LRP1B: variants seen among roughly 807,000 people sequenced by gnomAD.
LRP1B encodes LDL receptor related protein 1B, also known as low-density lipoprotein receptor-related protein 1B.
A neutral mutation model predicts 556.6 loss-of-function variants in LRP1B; 217 were observed. That is an observed-to-expected ratio of 0.39 (90% CI 0.35 to 0.44). The LOEUF (loss-of-function observed/expected upper bound fraction) is 0.44, where lower values mean the gene tolerates loss of function less well. Among genes scored for constraint, LRP1B ranks in the 20% least tolerant of loss-of-function variants. The pLI is 1.00. For synonymous variants in LRP1B, 2,047 were observed against 1,865.8 expected, an observed-to-expected ratio of 1.10 and a Z score of -2.50; for missense variants, 5,053 against 5,620.8, an observed-to-expected ratio of 0.90 and a Z score of 3.23.
At chr2:140,827,481 A>C (rs1691549490) in intron 31 of LRP1B, among the ~76,000 whole-genome samples, 1 of 152,040 alleles carries the variant, frequency 6.6e-6, no homozygotes, top group Non-Finnish European at 1.5e-5. Context: ...TCCTGAACTA[A>C]AAAATGTACT....
intron 2 of LRP1B, among the ~76,000 whole-genome samples, chr2:141,694,755 G>A (rs1691674218): frequency 6.6e-6 from 1 of 151,956 alleles, no homozygotes; most frequent in African/African-American, 2.4e-5. Context: ...AAATTAACAG[G>A]AAAGGAGCTA....
At chr2:141,092,754 GGA>G (rs1166347964) in intron 7 of LRP1B, among the ~76,000 whole-genome samples, 2 of 152,146 alleles carry the variant, frequency 1.3e-5, no homozygotes, top group Admixed American at 6.5e-5. Flanking sequence ...GTTTCAAGGA[GGA>G]GAGAGAGTGA....
At chr2:140,878,989 CA>C (rs3063609) in intron 25 of LRP1B, among the ~76,000 whole-genome samples, 4,561 of 135,574 alleles carry the variant, frequency 0.034, 183 homozygotes, top group African/African-American at 0.11. Context: ...ACTCTGTTTC[CA>C]AAAAAAAAAA....
chr2:140,444,568 T>C lies in LRP1B; in HGVS notation c.10169A>G (p.Asn3390Ser). 6.2e-7 allele frequency: 1 copy of C among 1,613,550 alleles called. No homozygotes were observed. Among genetic ancestry groups the C allele is most frequent in the South Asian group, 1.1e-5 (1 of 91,076 alleles). The change falls in exon 64 of 91, where the codon AAC (asparagine) becomes AGC (serine). Residue 3390 changes from asparagine to serine, a missense_variant. By Grantham distance (46) the Asn-to-Ser change is conservative (BLOSUM62 1). Around this residue, in one of 5 missense-constraint regions of LRP1B, gnomAD observed 262 missense variants for 395.1 expected, o/e 0.66. Coordinates refer to ENST00000389484, the MANE Select transcript of LRP1B (RefSeq NM_018557.3). ...NDCGDNSDELNCDTHVCLSGQ... is the reference protein window; with the variant it reads ...NDCGDNSDELSCDTHVCLSGQ... ...TTAGGAATTTAATCACCTACCACAG[T>C]TGAGTTCATCAGAATTGTCTCCACA...
intron 59 of LRP1B, among the ~76,000 whole-genome samples, chr2:140,479,556 A>G (rs1052181397): frequency 6.6e-6 from 1 of 152,196 alleles, no homozygotes; most frequent in African/African-American, 2.4e-5. Context: ...AATATTATAC[A>G]TTGTATTTCT....
intron 2 of LRP1B, among the ~76,000 whole-genome samples, chr2:141,704,618 G>C (rs1429102598): frequency 6.6e-6 from 1 of 151,872 alleles, no homozygotes; most frequent in Middle Eastern, 3.2e-3. Flanking sequence ...TGCATATTGA[G>C]TTTGTACTTT....
In LRP1B at chr2:140,437,909, A is replaced by G. The variant is rs1686255026; in HGVS notation, c.10414+4595T>C. 2.6e-5 allele frequency among the ~76,000 whole-genome samples: 4 copies of G among 152,346 alleles called. No homozygotes were observed. The South Asian group carries it at 8.3e-4, about 32-fold the overall frequency. On this transcript the variant is annotated intron_variant, in intron 66 of 90. Coordinates refer to ENST00000389484, the MANE Select transcript of LRP1B (RefSeq NM_018557.3). ...TTATACCAAATTTTAAAAACCATTA[A>G]AAATAGAATATATTTGTTATATAAC...
At position 140,234,102 on chromosome 2, in the gene LRP1B, A is replaced by AT. The variant is rs1446057864; in HGVS notation, c.13659+683_13659+684insA. 5.3e-5 allele frequency among the ~76,000 whole-genome samples: 8 copies of AT among 151,462 alleles called. No homozygotes were observed. In the Admixed American group the frequency reaches 5.3e-4, roughly 10 times the overall value. On this transcript the variant is annotated intron_variant, in intron 90 of 90. Coordinates refer to ENST00000389484, the MANE Select transcript of LRP1B (RefSeq NM_018557.3). ...TTCGTCTTTCCAAAAACAGTACATTAAATCTTAGTTACAACAAGGAAACAT... is the reference window on the plus strand; with the variant it reads ...TTCGTCTTTCCAAAAACAGTACATTATAATCTTAGTTACAACAAGGAAACAT...
intron 7 of LRP1B, among the ~76,000 whole-genome samples, chr2:141,169,641 A>G (rs894315383): frequency 6.6e-6 from 1 of 151,920 alleles, no homozygotes; most frequent in Admixed American, 6.6e-5. Flanking sequence ...TGTTAAAACA[A>G]AAGTTTGAGA....
chr2:142,096,289 A>G (rs1268170679), intron 1 of LRP1B, among the ~76,000 whole-genome samples: 1 of 151,726 alleles, frequency 6.6e-6, no homozygotes, highest in East Asian at 1.9e-4. Flanking sequence ...TACCCAGATA[A>G]CAATCTCTTC....
chr2:141,758,621 T>C (rs947646048), intron 2 of LRP1B, among the ~76,000 whole-genome samples: 4 of 152,076 alleles, frequency 2.6e-5, no homozygotes, highest in Admixed American at 2.0e-4. Flanking sequence ...CTTAGAGTAT[T>C]GATTGCTTGT....
chr2:140,791,367 T>C (rs983872308), intron 32 of LRP1B, among the ~76,000 whole-genome samples: 1 of 151,924 alleles, frequency 6.6e-6, no homozygotes, highest in African/African-American at 2.4e-5. Flanking sequence ...GTGTTGAGGT[T>C]GCAGTGAGCC....
Position 141,480,531 on chromosome 2 carries a change from G to A in LRP1B, c.208C>T (p.Pro70Ser), listed in dbSNP as rs1682879236. ...GGGCACTTGATTTCTACCTCCTCGG[G>A]ACCTGAAAAGATGTAAAAAAGAACA... ...DDSDESLDTC[P>S]EEVEIKCPLN... The change falls in exon 3 of 91, where the codon CCC (proline) becomes TCC (serine). Residue 70 changes from proline (P) to serine (S), a missense_variant and splice_region_variant. Transcript: ENST00000389484. 15 of 1,613,674 alleles carry A rather than the reference G, an allele frequency of 9.3e-6. No individual in the cohort carries two copies. Among genetic ancestry groups the A allele is most frequent in the Non-Finnish European group, 1.3e-5 (15 of 1,179,782 alleles).
chr2:140,921,291 A>T (rs1489490050), intron 21 of LRP1B, among the ~76,000 whole-genome samples: 1 of 151,978 alleles, frequency 6.6e-6, no homozygotes, highest in Non-Finnish European at 1.5e-5. Context: ...ATTGAAACTC[A>T]GGATTTTCCA....
At chr2:140,800,537 C>T (rs1239956949) in intron 32 of LRP1B, among the ~76,000 whole-genome samples, 2 of 152,092 alleles carry the variant, frequency 1.3e-5, no homozygotes, top group Admixed American at 6.6e-5. Context: ...GAGAATTACA[C>T]AAGTATAGAA....
intron 1 of LRP1B, among the ~76,000 whole-genome samples, chr2:142,124,120 C>CAT (rs1707556678): frequency 6.6e-6 from 1 of 151,790 alleles, no homozygotes; most frequent in Admixed American, 6.6e-5. Context: ...GTTTGTTGAT[C>CAT]ATATTATCTT....
intron 20 of LRP1B, among the ~76,000 whole-genome samples, chr2:140,926,438 C>G (rs1474418263): frequency 6.6e-6 from 1 of 151,988 alleles, no homozygotes; most frequent in Non-Finnish European, 1.5e-5. Context: ...ACCTCCTGGA[C>G]TCATACAGTT....
chr2:140,521,121 A>T (rs913117317), intron 49 of LRP1B, among the ~76,000 whole-genome samples: 2 of 152,116 alleles, frequency 1.3e-5, no homozygotes, highest in Non-Finnish European at 2.9e-5. Flanking sequence ...CTTAGAAAAC[A>T]TATTTGATGG....
rs762458785 is a variant in LRP1B, at chr2:140,850,201, C to T, written c.4840G>A (p.Asp1614Asn). The T allele has an allele frequency of 1.2e-6, 2 of 1,613,128 alleles. No individual in the cohort carries two copies. The highest frequency in any genetic ancestry group is 1.7e-5 in the Admixed American group (1 of 60,010). ...DIDDVTVIDF[D>N]ASEERLYWTD... ...CAGTATAAACGTTCCTCAGATGCAT[C>T]GAAGTCTATCACAGTAACGTCATCA... Residue 1614 changes from aspartate (D) to asparagine (N), a missense_variant, in exon 29 of 91, where the codon GAT becomes AAT. By Grantham distance (23) the Asp-to-Asn change is conservative. Coordinates refer to ENST00000389484, the MANE Select transcript of LRP1B (RefSeq NM_018557.3).
Sources: gnomAD v4.1 joint callset for allele counts (sites outside exome capture counted in the v4.1 genomes callset) on GRCh38, gnomAD v4.1.1 for gene constraint, gnomAD v4.1.1 regional missense constraint, MANE v1.5 for transcripts, NCBI Gene and HGNC (gene_info 2026-07-23, HGNC 2026-07-21) for gene names.